NSD2: variants seen among roughly 807,000 people sequenced by gnomAD.
The protein encoded by NSD2 is histone-lysine N-methyltransferase NSD2.
NSD2 carries 12 observed loss-of-function variants against 139.0 expected under a neutral mutation model. The ratio of observed to expected loss-of-function variants is 0.09; its 90% CI spans 0.06 to 0.14. The LOEUF is 0.14. NSD2 is among the 10% of genes least tolerant of loss of function. NSD2 has a pLI of 1.00. For missense variants in NSD2, 1,155 were observed against 1,745.0 expected (o/e 0.66, Z 6.02); for synonymous variants, 669 against 648.7 (o/e 1.03, Z -0.48).
intron 3 of NSD2, among the ~76,000 whole-genome samples, chr4:1,911,160 G>T (rs776756489): frequency 5.3e-5 from 8 of 152,032 alleles, no homozygotes; most frequent in Non-Finnish European, 1.0e-4. Flanking sequence ...CTGTGATGGG[G>T]AAAAAAGGAA....
At chr4:1,946,423 A>G (rs1398934128) in intron 9 of NSD2, 4 of 469,172 alleles carry the variant, frequency 8.5e-6, no homozygotes, top group Non-Finnish European at 1.1e-5. Context: ...GGCTGCCACC[A>G]CACCTGGCTA....
chr4:1,950,496 C>T (rs931443882), intron 9 of NSD2, among the ~76,000 whole-genome samples: 1 of 152,188 alleles, frequency 6.6e-6, no homozygotes, highest in African/African-American at 2.4e-5. Context: ...AGAAACCGAA[C>T]GGTCAGCCTG....
intron 3 of NSD2, among the ~76,000 whole-genome samples, chr4:1,909,340 A>G (rs1338303923): frequency 6.6e-6 from 1 of 152,050 alleles, no homozygotes; most frequent in African/African-American, 2.4e-5. Flanking sequence ...GTAGGAGCCC[A>G]GGTCTGGTCG....
At position 1,973,305 on chromosome 4, in the gene NSD2, A is replaced by G. The variant is rs766135979; in HGVS notation, c.3373-1558A>G. Among the ~76,000 whole-genome samples, 3 of 152,156 alleles carry G rather than the reference A, an allele frequency of 2.0e-5. No homozygotes were observed. The highest frequency in any genetic ancestry group is 6.5e-5 in the Admixed American group (1 of 15,276). ...ACTGGGCCCCGCTGGTAATGGTAGG[A>G]ATGTAGGTTAGACACGGTGCTGCCA... is the stretch of plus-strand genomic sequence containing the variant. On this transcript the variant is annotated intron_variant, in intron 18 of 21. Transcript: ENST00000508803. The surrounding 1 kb of genome is among the most constrained non-coding windows in gnomAD (Gnocchi z 5.5).
chr4:1,913,179 C>T (rs1198167684), intron 3 of NSD2, among the ~76,000 whole-genome samples: 1 of 152,248 alleles, frequency 6.6e-6, no homozygotes. Flanking sequence ...AGTGTGAGCC[C>T]TCTGTCACGC....
intron 9 of NSD2, chr4:1,946,172 T>A: frequency 2.9e-6 from 3 of 1,016,978 alleles, no homozygotes; most frequent in Non-Finnish European, 3.5e-6. Flanking sequence ...CTGAGGTAAC[T>A]GTCATTAGAA....
At chr4:1,916,815 C>A (rs1326617632) in intron 3 of NSD2, 56 bp from the exon 4 acceptor site, 4 of 1,541,678 alleles carry the variant, frequency 2.6e-6, no homozygotes, top group Non-Finnish European at 3.5e-6. Flanking sequence ...GTAGATTTGA[C>A]TAGTTTCATC....
chr4:1,954,444 C>G (rs1724604326), intron 12 of NSD2: 2 of 152,158 alleles, frequency 1.3e-5, no homozygotes, highest in Admixed American at 6.6e-5. Context: ...CTCACTGTAG[C>G]CTTGACCTCC....
intron 1 of NSD2, among the ~76,000 whole-genome samples, chr4:1,878,249 ATATTTTTTTTTTTTTTT>A (rs1714433945): frequency 5.7e-5 from 2 of 34,930 alleles, no homozygotes; most frequent in Non-Finnish European, 4.7e-5. Context: ...ATATATATAT[ATATTTTTTTTTTTTTTT>A]TTTTTTTTTT....
At position 1,971,980 on chromosome 4, in the gene NSD2, A is replaced by C. The variant is rs886381557; in HGVS notation, c.3373-2883A>C. 5.3e-5 allele frequency among the ~76,000 whole-genome samples: 8 copies of C among 152,300 alleles called. No homozygotes were observed. The South Asian group carries it at 1.7e-3, about 32-fold the overall frequency. Reference sequence around the variant, plus strand: ...GACACTTGTGGCCGGTTCAGAAATAAGGCAGGACGCTCACGCCGCTCCTGT... The same window carrying C: ...GACACTTGTGGCCGGTTCAGAAATACGGCAGGACGCTCACGCCGCTCCTGT... On this transcript the variant is annotated intron_variant, in intron 18 of 21. Coordinates refer to ENST00000508803, the MANE Select transcript of NSD2 (RefSeq NM_001042424.3).
chr4:1,947,782 G>T, intron 9 of NSD2: 1 of 1,048,378 alleles, frequency 9.5e-7, no homozygotes, highest in Non-Finnish European at 1.2e-6. Flanking sequence ...AATATTTATT[G>T]TTCAAGGTCT....
At chr4:1,967,694 G>A (rs760203894) in intron 18 of NSD2, among the ~76,000 whole-genome samples, 5 of 152,216 alleles carry the variant, frequency 3.3e-5, no homozygotes, top group African/African-American at 4.8e-5. Flanking sequence ...TCGCTGCAGG[G>A]AAAGCCCATC....
At chr4:1,939,296 T>A (rs1722825572) in intron 8 of NSD2, 1 of 232,186 alleles carries the variant, frequency 4.3e-6, no homozygotes, top group Admixed American at 5.0e-5. Flanking sequence ...GCATTGTGGT[T>A]ATATGTAAGA....
Position 1,885,723 on chromosome 4 carries a change from A to G in NSD2, c.-30+14181A>G, listed in dbSNP as rs528949987. ...GCTGTTACTGCCTCTCTTGGTACCC[A>G]TGCACTGCTCCTCTTTGTTACCACC... is the stretch of plus-strand genomic sequence containing the variant. On this transcript the variant is annotated intron_variant, in intron 1 of 21. Transcript: ENST00000508803. Among the ~76,000 whole-genome samples, 49 of 151,654 alleles carry G rather than the reference A, an allele frequency of 3.2e-4. 1 individual carries two copies. Among genetic ancestry groups the G allele is most frequent in the South Asian group, 6.3e-4 (3 of 4,760 alleles).
chr4:1,938,416 C>CTTTTTTTTTTTTTTTTTT (rs746279426), intron 7 of NSD2, 35 bp from the exon 8 acceptor site: 20 of 325,826 alleles, frequency 6.1e-5, no homozygotes, highest in South Asian at 1.7e-4. Flanking sequence ...TTTTTTCTTT[C>CTTTTTTTTTTTTTTTTTT]TTTTTTTTTT....
At chr4:1,947,259 C>T in intron 9 of NSD2, 1 of 1,063,490 alleles carries the variant, frequency 9.4e-7, no homozygotes, top group Non-Finnish European at 1.1e-6. Flanking sequence ...TTACCTTTGA[C>T]AAGGGCAGGC....
chr4:1,898,418 ACTTTG>A (rs1457027946), intron 1 of NSD2, among the ~76,000 whole-genome samples: 1 of 152,158 alleles, frequency 6.6e-6, no homozygotes, highest in Non-Finnish European at 1.5e-5. Flanking sequence ...TAATCCCAGC[ACTTTG>A]GGAGGCCAAG....
chr4:1,922,377 A>C lies in NSD2; in HGVS notation c.1410+3754A>C, dbSNP rs1720266622. Among the ~76,000 whole-genome samples, 3 of 152,248 alleles carry C rather than the reference A, an allele frequency of 2.0e-5. No homozygotes were observed. In the South Asian group the frequency reaches 6.2e-4, roughly 31 times the overall value. On this transcript the variant is annotated intron_variant, in intron 5 of 21. Transcript: ENST00000508803. ...AGGTACTGCGGAATCAATATTACGA[A>C]ATATGCATGTAACTTTAGAGAAAAA...
Position 1,956,200 on chromosome 4 carries a change from T to G in NSD2, c.2881+12T>G, listed in dbSNP as rs1424315493. 1 of 1,583,944 alleles carries G rather than the reference T, an allele frequency of 6.3e-7. No homozygotes were observed. The highest frequency in any genetic ancestry group is 8.6e-7 in the Non-Finnish European group (1 of 1,163,244). On this transcript the variant is annotated intron_variant, in intron 15 of 21. Transcript: ENST00000508803. The surrounding 1 kb of genome is among the most constrained non-coding windows in gnomAD (Gnocchi z 5.3). ...AGTCTTCAAAAACGGTACGGAGATA[T>G]TCAGATAGAGAGTGAGACAGCACTC...
Sources: gnomAD v4.1 joint callset for allele counts (sites outside exome capture counted in the v4.1 genomes callset) on GRCh38, gnomAD v4.1.1 for gene constraint, Gnocchi (gnomAD v3.1) non-coding constraint, MANE v1.5 for transcripts, NCBI Gene and HGNC (gene_info 2026-07-23, HGNC 2026-07-21) for gene names.